The following KDM3A variants were observed in gnomAD, a reference collection of about 807,000 sequenced individuals.
KDM3A encodes lysine-specific demethylase 3A.
In KDM3A, 60 loss-of-function variants were observed where a neutral mutation model predicts 158.0. That is an observed-to-expected ratio of 0.38 (90% CI 0.31 to 0.47). The LOEUF (loss-of-function observed/expected upper bound fraction) is 0.47, where lower values mean the gene tolerates loss of function less well. Ranked by LOEUF, KDM3A falls within the 20% of genes least tolerant of loss-of-function variation. The probability of loss-of-function intolerance (pLI) is 0.99; values close to 1 mark genes in which losing one functional copy is unlikely to be tolerated. For synonymous variants in KDM3A, 608 were observed against 549.3 expected, an observed-to-expected ratio of 1.11 and a Z score of -1.49; for missense variants, 1,319 against 1,574.3, an observed-to-expected ratio of 0.84 and a Z score of 2.74.
intron 5 of KDM3A, among the ~76,000 whole-genome samples, chr2:86,455,616 T>A (rs976579721): frequency 2.0e-5 from 3 of 152,094 alleles, no homozygotes; most frequent in Admixed American, 2.0e-4. Context: ...CTAAAACCTC[T>A]GAAATTTGGA....
rs1483330456 is a variant in KDM3A, at chr2:86,492,302, A to G, written c.*183A>G. On this transcript the variant is annotated 3_prime_UTR_variant, in exon 26 of 26. Coordinates refer to ENST00000312912, the MANE Select transcript of KDM3A (RefSeq NM_018433.6). ...CAGTAAATGTGTATATGTAGTAACT[A>G]TTTACAGAACATGCATCCTTAAACT... 2.5e-5 allele frequency: 13 copies of G among 524,272 alleles called. No homozygotes were observed. The highest frequency in any genetic ancestry group is 3.5e-5 in the Admixed American group (1 of 28,928). The allele number at this position is 524,272 out of a possible 1,614,324, so 32.5% of individuals were successfully genotyped here.
In KDM3A at chr2:86,484,165, A is replaced by G; in HGVS notation, c.3094+7A>G. 2 of 1,608,920 alleles carry G rather than the reference A, an allele frequency of 1.2e-6. No homozygotes were observed. The highest frequency in any genetic ancestry group is 1.7e-6 in the Non-Finnish European group (2 of 1,177,256). ...GGATTTGAAGATGTTCCAAGTATGT[A>G]TGAAAGATCTTTTAAGGGGGTTGGG... On this transcript the variant is annotated splice_region_variant and intron_variant, in intron 19 of 25. Coordinates refer to ENST00000312912, the MANE Select transcript of KDM3A (RefSeq NM_018433.6).
At chr2:86,462,923 C>G (rs1374996268) in intron 8 of KDM3A, among the ~76,000 whole-genome samples, 1 of 152,054 alleles carries the variant, frequency 6.6e-6, no homozygotes, top group Admixed American at 6.6e-5. Flanking sequence ...AATCCTGTCT[C>G]TACTAAAAAC....
chr2:86,485,571 T>C (rs1674139977), intron 20 of KDM3A, among the ~76,000 whole-genome samples, 158 bp from the exon 21 acceptor site: 1 of 152,252 alleles, frequency 6.6e-6, no homozygotes, highest in South Asian at 2.1e-4. Context: ...GACATCTTTG[T>C]AACTGCTGTA....
intron 15 of KDM3A, 73 bp downstream of exon 15, chr2:86,478,808 T>C: frequency 6.8e-7 from 1 of 1,464,842 alleles, no homozygotes; most frequent in Non-Finnish European, 9.4e-7. Flanking sequence ...AACCCAAGGA[T>C]TTCTATCAGT....
chr2:86,442,075 C>T lies in KDM3A; in HGVS notation c.28C>T (p.Pro10Ser), dbSNP rs936146129. MVLTLGESW[P>S]VLVGRRFLSL... ...GGTGCTCACGCTCGGAGAAAGTTGG[C>T]CGGTATTGGTGGGGAGGAGGTTTCT... is the stretch of plus-strand genomic sequence containing the variant. Residue 10 changes from proline to serine, a missense_variant, in exon 2 of 26, where the codon CCG becomes TCG. Pro to Ser is a moderately conservative substitution (Grantham distance 74). Coordinates refer to ENST00000312912, the MANE Select transcript of KDM3A (RefSeq NM_018433.6). 55 of 1,613,824 alleles carry T rather than the reference C, an allele frequency of 3.4e-5. No individual in the cohort carries two copies. Among genetic ancestry groups the T allele is most frequent in the Non-Finnish European group, 4.4e-5 (52 of 1,179,950 alleles).
chr2:86,473,328 T>A (rs374220027), intron 11 of KDM3A, among the ~76,000 whole-genome samples: 142 of 152,264 alleles, frequency 9.3e-4, no homozygotes, highest in African/African-American at 3.2e-3. Context: ...GCCTGGCTAA[T>A]TAGAAAAATT....
chr2:86,456,147 C>G (rs1672686130), intron 5 of KDM3A, among the ~76,000 whole-genome samples: 1 of 151,742 alleles, frequency 6.6e-6, no homozygotes, highest in Non-Finnish European at 1.5e-5. Flanking sequence ...TTTAGATTAT[C>G]AGACATAGTA....
chr2:86,442,305 C>T lies in KDM3A; in HGVS notation c.186+72C>T, dbSNP rs748490592. On this transcript the variant is annotated intron_variant, in intron 2 of 25. Transcript: ENST00000312912. Reference sequence around the variant, plus strand: ...GTGGTAACGCGACCATCGGTTCCCTCCTTCCGTTTTCTGAAAACGGAGACC... The same window carrying T: ...GTGGTAACGCGACCATCGGTTCCCTTCTTCCGTTTTCTGAAAACGGAGACC... 7.8e-5 allele frequency: 110 copies of T among 1,415,762 alleles called. 1 individual carries two copies. The highest frequency in any genetic ancestry group is 1.0e-4 in the Non-Finnish European group (105 of 1,038,910). The allele number at this position is 1,415,762 out of a possible 1,614,324, so 87.7% of individuals were successfully genotyped here. A position where few individuals can be genotyped will look rare whatever the true frequency, so the allele number is the denominator to read the frequency against.
chr2:86,443,290 A>T (rs1334940466), intron 2 of KDM3A: 2 of 152,210 alleles, frequency 1.3e-5, no homozygotes, highest in Non-Finnish European at 2.9e-5. Context: ...TAGCATTGGC[A>T]GTTGATTATA....
At chr2:86,482,772 C>G in intron 18 of KDM3A, 78 bp downstream of exon 18, 1 of 1,349,402 alleles carries the variant, frequency 7.4e-7, no homozygotes, top group South Asian at 1.3e-5. Flanking sequence ...GACAACCCCA[C>G]CCCAGGCTTT....
rs1404428748 is a variant in KDM3A, at chr2:86,455,036, C to G, written c.454-49C>G. 4 of 1,103,376 alleles carry G rather than the reference C, an allele frequency of 3.6e-6. No homozygotes were observed. The African/African-American group carries it at 4.8e-5, about 13-fold the overall frequency. 68.3% of individuals were successfully genotyped at this position (1,103,376 alleles called of 1,614,324 possible). A position where few individuals can be genotyped will look rare whatever the true frequency, so the allele number is the denominator to read the frequency against. ...ATAGCCCACTGGAATTTAAATAACT[C>G]TTCTTATTAACTGTTACCCTTAACA... On this transcript the variant is annotated intron_variant, in intron 4 of 25. Transcript: ENST00000312912.
At chr2:86,453,581 T>C (rs944741519) in intron 4 of KDM3A, among the ~76,000 whole-genome samples, 3 of 152,224 alleles carry the variant, frequency 2.0e-5, no homozygotes. Context: ...TCTACTTTAT[T>C]GAAGCCCTTT....
chr2:86,456,772 T>C, intron 6 of KDM3A, 33 bp from the exon 7 acceptor site: 1 of 1,547,408 alleles, frequency 6.5e-7, no homozygotes, highest in Non-Finnish European at 8.9e-7. Context: ...GCATTTTTTA[T>C]TTTCCGGTAT....
intron 12 of KDM3A, among the ~76,000 whole-genome samples, chr2:86,476,458 C>T (rs1673663874): frequency 6.6e-6 from 1 of 152,102 alleles, no homozygotes; most frequent in African/African-American, 2.4e-5. Flanking sequence ...TTTGATTATC[C>T]TGTTGCTCTT....
intron 4 of KDM3A, among the ~76,000 whole-genome samples, chr2:86,451,700 A>C (rs996101751): frequency 1.3e-5 from 2 of 152,122 alleles, no homozygotes; most frequent in Non-Finnish European, 2.9e-5. Flanking sequence ...TGACTGCTCT[A>C]ATTTAAATAC....
At chr2:86,448,678 G>A (rs1188249963) in intron 2 of KDM3A, among the ~76,000 whole-genome samples, 1 of 152,110 alleles carries the variant, frequency 6.6e-6, no homozygotes, top group Non-Finnish European at 1.5e-5. Context: ...TAAACTGAAG[G>A]TTGAAAAGGG....
chr2:86,450,793 AAC>A (rs1334280069), intron 3 of KDM3A, among the ~76,000 whole-genome samples: 6 of 152,184 alleles, frequency 3.9e-5, no homozygotes. Flanking sequence ...ACTGGTTAAA[AAC>A]ACAGGCCTGT....
Position 86,492,423 on chromosome 2 carries a change from T to G in KDM3A, c.*304T>G. On this transcript the variant is annotated 3_prime_UTR_variant, in exon 26 of 26. Transcript: ENST00000312912. ...TACCTGCAGTTATTCTTCAGCTGTTTGGACAACTTAGATTGGGTTTATAAC... is the reference window on the plus strand; with the variant it reads ...TACCTGCAGTTATTCTTCAGCTGTTGGGACAACTTAGATTGGGTTTATAAC... The G allele has an allele frequency of 7.0e-6, 2 of 285,026 alleles. No homozygotes were observed. Among genetic ancestry groups the G allele is most frequent in the East Asian group, 1.3e-4 (2 of 14,912 alleles). The allele number at this position is 285,026 out of a possible 1,614,324, so 17.7% of individuals were successfully genotyped here.
Sources: allele counts gnomAD v4.1 joint callset (sites outside exome capture counted in the v4.1 genomes callset), GRCh38; gene constraint gnomAD v4.1.1; transcripts MANE v1.5; gene names NCBI Gene and HGNC (gene_info 2026-07-23, HGNC 2026-07-21).